The following NTM variants were observed in gnomAD, a reference collection of about 807,000 sequenced individuals.
The protein encoded by NTM is neurotrimin, also known as IgLON family member 2.
In NTM, 13 loss-of-function variants were observed where a neutral mutation model predicts 42.1. The observed-to-expected ratio is 0.31, with a 90% CI of 0.20 to 0.49. NTM has a LOEUF of 0.49. Among genes scored for constraint, NTM ranks in the 20% least tolerant of loss-of-function variants. The pLI is 0.99. For missense variants in NTM, 373 were observed against 452.8 expected (o/e 0.82, Z 1.60); for synonymous variants, 187 against 179.2 (o/e 1.04, Z -0.35).
At chr11:132,049,295 CTG>C (rs1344827379) in intron 2 of NTM, among the ~76,000 whole-genome samples, 1 of 152,204 alleles carries the variant, frequency 6.6e-6, no homozygotes, top group Non-Finnish European at 1.5e-5. Flanking sequence ...GGCATGGAGA[CTG>C]TGAGACTCAC....
At chr11:132,106,666 G>T (rs772436614) in intron 2 of NTM, among the ~76,000 whole-genome samples, 1 of 152,204 alleles carries the variant, frequency 6.6e-6, no homozygotes, top group African/African-American at 2.4e-5. Flanking sequence ...TAAGCTATCT[G>T]CAGAGTTTAA....
chr11:132,134,755 A>ATC lies in NTM; in HGVS notation c.168-11526_168-11525insCT, dbSNP rs59029342. Among the ~76,000 whole-genome samples, 567 of 80,204 alleles carry ATC rather than the reference A, an allele frequency of 7.1e-3. 58 individuals carry two copies. Among genetic ancestry groups the ATC allele is most frequent in the Non-Finnish European group, 9.4e-3 (382 of 40,714 alleles). 52.6% of individuals were successfully genotyped at this position (80,204 alleles called of 152,430 possible). ...TATATATATATATATATATATATAT[A>ATC]TATATCTCACATTTTCTTTATCTAT... On this transcript the variant is annotated intron_variant, in intron 2 of 8. Coordinates refer to ENST00000683400, the MANE Select transcript of NTM (RefSeq NM_001352005.2).
chr11:131,569,293 C>T (rs1157931158), intron 1 of NTM, among the ~76,000 whole-genome samples: 4 of 152,026 alleles, frequency 2.6e-5, no homozygotes, highest in African/African-American at 9.7e-5. Flanking sequence ...TACAGGTGTC[C>T]ACCACTATGC....
At chr11:131,995,586 G>A (rs911063555) in intron 2 of NTM, among the ~76,000 whole-genome samples, 1 of 152,078 alleles carries the variant, frequency 6.6e-6, no homozygotes, top group African/African-American at 2.4e-5. Context: ...GTGAGATGGG[G>A]AAGCGGGGCC....
intron 1 of NTM, among the ~76,000 whole-genome samples, chr11:131,787,910 G>A (rs1187137457): frequency 6.6e-6 from 1 of 152,104 alleles, no homozygotes; most frequent in East Asian, 1.9e-4. Context: ...TTTTTTCTAT[G>A]TTGTTATTGA....
At chr11:131,642,871 T>G (rs2065300690) in intron 1 of NTM, among the ~76,000 whole-genome samples, 1 of 152,174 alleles carries the variant, frequency 6.6e-6, no homozygotes, top group Non-Finnish European at 1.5e-5. Context: ...CTGACTTGAC[T>G]CCTCTAACAG....
chr11:131,821,735 G>A (rs1177445017), intron 1 of NTM, among the ~76,000 whole-genome samples: 1 of 152,186 alleles, frequency 6.6e-6, no homozygotes, highest in African/African-American at 2.4e-5. Flanking sequence ...TGGGGCTGGG[G>A]AGAACCATGC....
intron 2 of NTM, among the ~76,000 whole-genome samples, chr11:132,043,958 A>ATGTGTGTGTGTGTGTGTGTGTG (rs71067353): frequency 1.4e-5 from 2 of 146,270 alleles, no homozygotes; most frequent in Non-Finnish European, 1.5e-5. Flanking sequence ...GACACCAACT[A>ATGTGTGTGTGTGTGTGTGTGTG]TGTGTGTGTG....
chr11:131,679,182 G>A (rs1341054533), intron 1 of NTM, among the ~76,000 whole-genome samples: 1 of 152,092 alleles, frequency 6.6e-6, no homozygotes, highest in African/African-American at 2.4e-5. Flanking sequence ...TTGGGAATCT[G>A]CTGCCTCCCA....
At chr11:131,894,658 T>A (rs940526222) in intron 1 of NTM, among the ~76,000 whole-genome samples, 2 of 152,128 alleles carry the variant, frequency 1.3e-5, no homozygotes, top group Non-Finnish European at 2.9e-5. Flanking sequence ...CAACTGGCTG[T>A]CCATCGCCTC....
At chr11:132,050,082 T>C (rs1381646553) in intron 2 of NTM, among the ~76,000 whole-genome samples, 5 of 152,158 alleles carry the variant, frequency 3.3e-5, no homozygotes, top group African/African-American at 9.7e-5. Context: ...TTTACCTAAC[T>C]GAGGCCACTG....
At chr11:132,314,984 A>G (rs2095389187) in intron 7 of NTM, 2 of 1,168,164 alleles carry the variant, frequency 1.7e-6, no homozygotes, top group South Asian at 4.3e-5. Context: ...AGAAGTGGGA[A>G]AAGGAAAATG....
intron 1 of NTM, among the ~76,000 whole-genome samples, chr11:131,603,471 C>T (rs1346199783): frequency 6.6e-6 from 1 of 152,090 alleles, no homozygotes; most frequent in Non-Finnish European, 1.5e-5. Context: ...CCGTTACTGC[C>T]ATCCCAGATT....
intron 1 of NTM, among the ~76,000 whole-genome samples, chr11:131,509,348 G>A (rs2047946289): frequency 1.3e-5 from 2 of 152,136 alleles, no homozygotes; most frequent in South Asian, 2.1e-4. Context: ...TTACTCTGTC[G>A]GTGTCCAATG....
intron 1 of NTM, among the ~76,000 whole-genome samples, chr11:131,632,184 AT>A (rs934352312): frequency 5.6e-4 from 85 of 152,164 alleles, no homozygotes; most frequent in Non-Finnish European, 9.7e-4. Context: ...CAGGGATAGC[AT>A]TTTTTTAAGT....
intron 1 of NTM, among the ~76,000 whole-genome samples, chr11:131,400,119 C>T (rs1239263300): frequency 1.3e-5 from 2 of 152,096 alleles, no homozygotes; most frequent in African/African-American, 4.8e-5. Flanking sequence ...ACCCACCCCC[C>T]ATCAGCATAA....
intron 1 of NTM, chr11:131,660,938 A>G (rs2067956092): frequency 7.7e-7 from 1 of 1,303,458 alleles, no homozygotes; most frequent in African/African-American, 1.5e-5. Flanking sequence ...GGTAAGTGAC[A>G]TTTCATTCTG....
At chr11:131,678,361 T>G (rs928786106) in intron 1 of NTM, among the ~76,000 whole-genome samples, 1 of 152,252 alleles carries the variant, frequency 6.6e-6, no homozygotes, top group African/African-American at 2.4e-5. Context: ...TGCCCAGGTC[T>G]GGCCCAGCGC....
intron 2 of NTM, among the ~76,000 whole-genome samples, chr11:132,104,795 C>T (rs1035006251): frequency 1.3e-5 from 2 of 149,166 alleles, no homozygotes; most frequent in South Asian, 4.2e-4. Flanking sequence ...GTTCCAGCTA[C>T]CTAGGAGGCT....
Sources: gnomAD v4.1 joint callset for allele counts (sites outside exome capture counted in the v4.1 genomes callset) on GRCh38, gnomAD v4.1.1 for gene constraint, MANE v1.5 for transcripts, NCBI Gene and HGNC (gene_info 2026-07-23, HGNC 2026-07-21) for gene names.